AGTPBP1: variants seen among roughly 807,000 people sequenced by gnomAD.
AGTPBP1 encodes ATP/GTP binding carboxypeptidase 1, also known as cytosolic carboxypeptidase 1.
A neutral mutation model predicts 143.9 loss-of-function variants in AGTPBP1; 70 were observed. That is an observed-to-expected ratio of 0.49 (90% CI 0.40 to 0.59). The LOEUF (loss-of-function observed/expected upper bound fraction) is 0.59. AGTPBP1 is among the 20% of genes least tolerant of loss of function. The pLI is 0.00. For synonymous variants in AGTPBP1, 463 were observed against 500.2 expected (o/e 0.93, Z 0.99); for missense variants, 1,229 against 1,464.5 (o/e 0.84, Z 2.62).
At chr9:85,679,152 T>C (rs926739205) in intron 4 of AGTPBP1, among the ~76,000 whole-genome samples, 1 of 152,202 alleles carries the variant, frequency 6.6e-6, no homozygotes, top group East Asian at 1.9e-4. Context: ...TTAATAGATA[T>C]TACCAAATTG....
chr9:85,626,830 T>C (rs1300432361), intron 14 of AGTPBP1, among the ~76,000 whole-genome samples: 1 of 152,220 alleles, frequency 6.6e-6, no homozygotes, highest in Non-Finnish European at 1.5e-5. Flanking sequence ...GACACGAATA[T>C]GAATTTCATA....
chr9:85,633,332 C>G lies in AGTPBP1; in HGVS notation c.1345G>C (p.Glu449Gln). ...ACAATAGGACCACGTACTTTTCCCT[C>G]AAATACAAAAGGCTTTGGTTCTTTG... ...ISKEPKPFVF[E>Q]GKVRGPIVVP... The change falls in exon 14 of 26, where the codon GAG (glutamate) becomes CAG (glutamine). Residue 449 changes from glutamate (E) to glutamine (Q), a missense_variant. Physicochemically the swap from Glu to Gln is conservative, Grantham distance 29. This residue lies in a region of AGTPBP1 where 743 missense variants were observed against 812.2 expected (regional missense o/e 0.91). Coordinates refer to ENST00000357081, the MANE Select transcript of AGTPBP1 (RefSeq NM_001330701.2). 6.3e-7 allele frequency: 1 copy of G among 1,595,134 alleles called. No individual in the cohort carries two copies. The highest frequency in any genetic ancestry group is 1.2e-5 in the South Asian group (1 of 86,608).
intron 18 of AGTPBP1, 25 bp from the exon 19 acceptor site, chr9:85,592,729 G>A (rs1222612696): frequency 3.8e-6 from 6 of 1,597,776 alleles, no homozygotes; most frequent in African/African-American, 2.7e-5. Context: ...CATAAAACAT[G>A]TTCATTTCAT....
the AGTPBP1 span, among the ~76,000 whole-genome samples, chr9:85,757,256 G>T: frequency 6.6e-6 from 1 of 151,952 alleles, no homozygotes; most frequent in African/African-American, 2.4e-5. Context: ...TAGTAGAGAC[G>T]GGGTTTCAAC....
intron 2 of AGTPBP1, among the ~76,000 whole-genome samples, chr9:85,711,657 C>T (rs1441702125): frequency 6.6e-6 from 1 of 151,858 alleles, no homozygotes; most frequent in Non-Finnish European, 1.5e-5. Flanking sequence ...CCAGACTGGT[C>T]TCGAACTCCT....
chr9:85,795,886 G>A, the AGTPBP1 span, among the ~76,000 whole-genome samples: 11 of 112,826 alleles, frequency 9.7e-5, no homozygotes, highest in South Asian at 2.8e-4. Context: ...TTTTTGAGAC[G>A]GAGGCTGGTG....
Position 85,574,003 on chromosome 9 carries a change from A to C in AGTPBP1, c.3503+1312T>G, listed in dbSNP as rs11141023. ...AGCTCACTGAGAACGGGCCATGATG[A>C]CAATGGCGGTTTTGTGGAATAGAAA... On this transcript the variant is annotated intron_variant, in intron 25 of 25. Transcript: ENST00000357081. Among the ~76,000 whole-genome samples, 3 of 152,318 alleles carry C rather than the reference A, an allele frequency of 2.0e-5. No homozygotes were observed. The East Asian group carries it at 5.8e-4, about 29-fold the overall frequency.
intron 25 of AGTPBP1, among the ~76,000 whole-genome samples, chr9:85,568,011 A>G (rs905770319): frequency 1.3e-5 from 2 of 152,218 alleles, no homozygotes; most frequent in Non-Finnish European, 2.9e-5. Flanking sequence ...TGAGGATAAG[A>G]ATAAAATCTT....
At chr9:85,566,529 C>CAAAAAAAAAAAAAAAA (rs72129899) in intron 25 of AGTPBP1, among the ~76,000 whole-genome samples, 5 of 78,546 alleles carry the variant, frequency 6.4e-5, no homozygotes, top group African/African-American at 2.3e-4. Flanking sequence ...GACCATGTCT[C>CAAAAAAAAAAAAAAAA]AAAAAAAAAA....
intron 1 of AGTPBP1, among the ~76,000 whole-genome samples, chr9:85,727,831 A>T (rs982704788): frequency 6.6e-6 from 1 of 152,064 alleles, no homozygotes; most frequent in African/African-American, 2.4e-5. Flanking sequence ...AGCCTGGGTA[A>T]CATAGTGATA....
At chr9:85,671,167 C>T (rs62569204) in intron 7 of AGTPBP1, among the ~76,000 whole-genome samples, 20,285 of 151,602 alleles carry the variant, frequency 0.13, 1,591 homozygotes, top group East Asian at 0.3. Context: ...AGGCTGGTTG[C>T]AAACTCCTGG....
intron 17 of AGTPBP1, among the ~76,000 whole-genome samples, chr9:85,601,772 T>C (rs1829688079): frequency 6.6e-6 from 1 of 152,188 alleles, no homozygotes; most frequent in African/African-American, 2.4e-5. Context: ...ACACCAGTCA[T>C]GCTGGGTCCT....
At chr9:85,777,567 T>G in the AGTPBP1 span, among the ~76,000 whole-genome samples, 1 of 152,132 alleles carries the variant, frequency 6.6e-6, no homozygotes, top group African/African-American at 2.4e-5. Context: ...AGAGGCTGAG[T>G]GGTATCCACA....
At chr9:85,580,542 T>A (rs1442940413) in intron 23 of AGTPBP1, among the ~76,000 whole-genome samples, 1 of 152,146 alleles carries the variant, frequency 6.6e-6, no homozygotes, top group Admixed American at 6.6e-5. Context: ...AGATCATAAT[T>A]GACCAAAACA....
At chr9:85,781,125 G>A in the AGTPBP1 span, 1 of 1,450,630 alleles carries the variant, frequency 6.9e-7, no homozygotes, top group South Asian at 1.5e-5. Context: ...GTTTCAAAAA[G>A]ACAAAGAAAC....
Position 85,633,314 on chromosome 9 carries a change from G to A in AGTPBP1, c.1363C>T (p.Pro455Ser). 1 of 1,603,572 alleles carries A rather than the reference G, an allele frequency of 6.2e-7. No homozygotes were observed. The highest frequency in any genetic ancestry group is 8.5e-7 in the Non-Finnish European group (1 of 1,177,434). The change falls in exon 14 of 26, where the codon CCT becomes TCT. Residue 455 changes from proline to serine, a missense_variant. Physicochemically the swap from Pro to Ser is moderately conservative, Grantham distance 74. Around this residue, in one of 2 missense-constraint regions of AGTPBP1, gnomAD observed 743 missense variants for 812.2 expected, o/e 0.91. Coordinates refer to ENST00000357081, the MANE Select transcript of AGTPBP1 (RefSeq NM_001330701.2). ...PFVFEGKVRG[P>S]IVVPTAGEET... ...TCGCCTGCCGTAGGAACAACAATAG[G>A]ACCACGTACTTTTCCCTCAAATACA...
At chr9:85,719,905 T>C (rs1047443939) in intron 1 of AGTPBP1, among the ~76,000 whole-genome samples, 3 of 152,220 alleles carry the variant, frequency 2.0e-5, no homozygotes, top group African/African-American at 4.8e-5. Context: ...CTTTTCTACA[T>C]CTATTGAGAT....
At chr9:85,712,680 C>G in intron 1 of AGTPBP1, 114 bp from the exon 2 acceptor site, 1 of 434,882 alleles carries the variant, frequency 2.3e-6, no homozygotes, top group Non-Finnish European at 3.9e-6. Flanking sequence ...AAGATAACAC[C>G]GGAAACAAAA....
rs1834395254 is a variant in AGTPBP1 at position 85,670,158 on chromosome 9, T to G, written c.569-580A>C. Among the ~76,000 whole-genome samples, 3 of 152,016 alleles carry G rather than the reference T, an allele frequency of 2.0e-5. No individual in the cohort carries two copies. The South Asian group carries it at 6.2e-4, about 31-fold the overall frequency. ...GTAGATGTGGCTCTGGACACAGGAA[T>G]AATACAAACAGAACGAAGACAATGA... On this transcript the variant is annotated intron_variant, in intron 7 of 25. Transcript: ENST00000357081.
Sources: gnomAD v4.1 joint callset for allele counts (sites outside exome capture counted in the v4.1 genomes callset) on GRCh38, gnomAD v4.1.1 for gene constraint, gnomAD v4.1.1 regional missense constraint, MANE v1.5 for transcripts, NCBI Gene and HGNC (gene_info 2026-07-23, HGNC 2026-07-21) for gene names.